The following UGT1A3 variants were observed in gnomAD, a reference collection of about 807,000 sequenced individuals.
UGT1A3 encodes the protein UDP-glucuronosyltransferase 1A3.
In UGT1A3, 31 loss-of-function variants were observed where a neutral mutation model predicts 41.0. That is an observed-to-expected ratio of 0.76 (90% CI 0.57 to 1.02). The LOEUF (loss-of-function observed/expected upper bound fraction) is 1.02. Ranked by LOEUF, UGT1A3 falls within the 50% of genes least tolerant of loss-of-function variation. UGT1A3 has a pLI of 0.00. For synonymous variants in UGT1A3, 262 were observed against 257.6 expected (o/e 1.02, Z -0.17); for missense variants, 737 against 671.0 (o/e 1.10, Z -1.09).
intron 1 of UGT1A3, among the ~76,000 whole-genome samples, chr2:233,758,114 C>T (rs192892910): frequency 7.9e-5 from 12 of 152,298 alleles, no homozygotes; most frequent in South Asian, 2.1e-4. Context: ...AGGGCTCACA[C>T]GTTCCATAAA....
At chr2:233,758,761 T>C (rs892563894) in intron 1 of UGT1A3, among the ~76,000 whole-genome samples, 1 of 152,200 alleles carries the variant, frequency 6.6e-6, no homozygotes, top group Non-Finnish European at 1.5e-5. Context: ...GTGATGTGTA[T>C]GGTTCAAATG....
chr2:233,770,051 A>G (rs1483114372), intron 4 of UGT1A3: 1 of 154,750 alleles, frequency 6.5e-6, no homozygotes, highest in Non-Finnish European at 1.4e-5. Flanking sequence ...CTTGAGGCTC[A>G]CATTATGGAT....
At chr2:233,766,900 T>A (rs1336240432) in intron 1 of UGT1A3, 134 bp from the exon 2 acceptor site, 2 of 1,488,982 alleles carry the variant, frequency 1.3e-6, no homozygotes, top group Admixed American at 4.8e-5. Flanking sequence ...ATATTAATAA[T>A]TTTTTACTCT....
Position 233,729,231 on chromosome 2 carries a change from C to G in UGT1A3, c.105C>G (p.Pro35=), listed in dbSNP as rs777258735. ...WAESGKVLVV[P]IDGSHWLSMR... ...AGAGTGGAAAGGTGTTGGTGGTGCC[C>G]ATTGATGGCAGCCACTGGCTCAGCA... Residue 35 remains proline, a synonymous_variant, in exon 1 of 5, where the codon CCC becomes CCG. Transcript: ENST00000482026. The G allele has an allele frequency of 2.5e-6, 4 of 1,614,060 alleles. No homozygotes were observed. The African/African-American group carries it at 4.0e-5, about 16-fold the overall frequency.
chr2:233,743,959 C>G (rs371517697), intron 1 of UGT1A3: 3 of 1,333,990 alleles, frequency 2.2e-6, no homozygotes, highest in Admixed American at 2.0e-5. Flanking sequence ...GCACAGCGAG[C>G]GGCAAGGCTG....
chr2:233,743,385 C>T, intron 1 of UGT1A3: 1 of 1,211,156 alleles, frequency 8.3e-7, no homozygotes, highest in Non-Finnish European at 1.1e-6. Flanking sequence ...TACCGTAGGA[C>T]ATGCAGAAGG....
intron 1 of UGT1A3, among the ~76,000 whole-genome samples, chr2:233,751,632 T>C (rs1694768911): frequency 1.3e-5 from 2 of 152,196 alleles, no homozygotes; most frequent in Non-Finnish European, 2.9e-5. Context: ...ATGTGTGCAG[T>C]TTCCCCCTTG....
chr2:233,763,101 G>A (rs911643886), intron 1 of UGT1A3, among the ~76,000 whole-genome samples: 8 of 152,178 alleles, frequency 5.3e-5, no homozygotes, highest in African/African-American at 1.7e-4. Context: ...GAGAGGCACC[G>A]AACTTTATCA....
At chr2:233,755,407 G>A (rs1260827425) in intron 1 of UGT1A3, 10 of 333,228 alleles carry the variant, frequency 3.0e-5, no homozygotes, top group Non-Finnish European at 4.1e-5. Context: ...CTCATTGGCC[G>A]AGGCCTGTGA....
Position 233,767,908 on chromosome 2 carries a change from T to C in UGT1A3, c.1059T>C (p.Val353=). ...PSNLANNTIL[V]KWLPQNDLLG... ...ATCTTGCGAACAACACGATACTTGT[T>C]AAGTGGCTACCCCAAAACGATCTGC... The change falls in exon 3 of 5, where the codon GTT becomes GTC. Residue 353 remains valine (V), a synonymous_variant. Coordinates refer to ENST00000482026, the MANE Select transcript of UGT1A3 (RefSeq NM_019093.4). 6.2e-7 allele frequency: 1 copy of C among 1,614,222 alleles called. No individual in the cohort carries two copies.
At position 233,744,231 on chromosome 2, in the gene UGT1A3, C is replaced by A. The variant is rs577435617; in HGVS notation, c.867+14238C>A. Among the ~76,000 whole-genome samples the A allele has an allele frequency of 9.7e-4, 148 of 151,936 alleles. 3 individuals carry two copies. The highest frequency in any genetic ancestry group is 3.5e-3 in the African/African-American group (144 of 41,218). ...AAAGAGGTTGGGGAAAAGAGAGGGC[C>A]TTGACTTTGGCTGCCTGAAGAACTG... On this transcript the variant is annotated intron_variant, in intron 1 of 4. Transcript: ENST00000482026.
chr2:233,743,979 A>T (rs1692622611), intron 1 of UGT1A3: 1 of 1,306,002 alleles, frequency 7.7e-7, no homozygotes, highest in Non-Finnish European at 1.0e-6. Flanking sequence ...GCCAGCACCC[A>T]GGCGCAGGCC....
At chr2:233,757,089 G>A (rs553473050) in intron 1 of UGT1A3, among the ~76,000 whole-genome samples, 2 of 151,514 alleles carry the variant, frequency 1.3e-5, no homozygotes, top group African/African-American at 4.8e-5. Flanking sequence ...AGGGTAAGAG[G>A]CAGAGGGAGG....
At chr2:233,746,951 C>A (rs1693515830) in intron 1 of UGT1A3, among the ~76,000 whole-genome samples, 1 of 151,748 alleles carries the variant, frequency 6.6e-6, no homozygotes, top group Admixed American at 6.5e-5. Context: ...GAAACAAGAG[C>A]TTGAACTTGG....
At chr2:233,750,454 C>A (rs1301530948) in intron 1 of UGT1A3, among the ~76,000 whole-genome samples, 2 of 151,940 alleles carry the variant, frequency 1.3e-5, no homozygotes, top group Non-Finnish European at 2.9e-5. Flanking sequence ...TTCAAACCAG[C>A]TACAGAAATA....
chr2:233,754,024 C>G (rs763970261), intron 1 of UGT1A3, among the ~76,000 whole-genome samples: 2 of 152,198 alleles, frequency 1.3e-5, no homozygotes, highest in Non-Finnish European at 2.9e-5. Context: ...TGATAGGAAA[C>G]GAATGCATCC....
intron 1 of UGT1A3, chr2:233,750,593 G>A (rs978024854): frequency 2.0e-5 from 3 of 152,058 alleles, no homozygotes; most frequent in Admixed American, 6.5e-5. Context: ...GGAGGCCTAG[G>A]AAGGAAAAAT....
At chr2:233,740,765 C>T (rs894944360) in intron 1 of UGT1A3, 8 of 151,662 alleles carry the variant, frequency 5.3e-5, no homozygotes, top group South Asian at 2.1e-4. Context: ...CTTATCAAAC[C>T]GTTGTATAAA....
chr2:233,754,874 G>C, intron 1 of UGT1A3: 2 of 1,352,006 alleles, frequency 1.5e-6, no homozygotes, highest in Admixed American at 1.9e-5. Flanking sequence ...CTCTGCTTCT[G>C]CTTCCCAGGG....
Sources: gnomAD v4.1 joint callset for allele counts (sites outside exome capture counted in the v4.1 genomes callset) on GRCh38, gnomAD v4.1.1 for gene constraint, MANE v1.5 for transcripts, NCBI Gene and HGNC (gene_info 2026-07-23, HGNC 2026-07-21) for gene names.